XXYLT1: variants seen among roughly 807,000 people sequenced by gnomAD.
XXYLT1 encodes the protein xyloside xylosyltransferase 1.
XXYLT1 carries 20 observed loss-of-function variants against 28.9 expected under a neutral mutation model. The observed-to-expected ratio is 0.69, with a 90% CI of 0.49 to 1.00. The LOEUF (loss-of-function observed/expected upper bound fraction) is 1.00. Among genes scored for constraint, XXYLT1 ranks in the 50% least tolerant of loss-of-function variants. The probability of loss-of-function intolerance (pLI) is 0.00; values close to 1 mark genes in which losing one functional copy is unlikely to be tolerated. For missense variants in XXYLT1, 542 were observed against 560.1 expected (o/e 0.97, Z 0.33); for synonymous variants, 257 against 253.8 (o/e 1.01, Z -0.12).
intron 2 of XXYLT1, among the ~76,000 whole-genome samples, chr3:195,197,949 C>G (rs559522732): frequency 2.0e-5 from 3 of 152,216 alleles, no homozygotes; most frequent in Admixed American, 6.5e-5. Context: ...AACTTCTGCA[C>G]GAGCTGGAGA....
chr3:195,230,739 G>A (rs915135745), intron 1 of XXYLT1, among the ~76,000 whole-genome samples: 3 of 152,104 alleles, frequency 2.0e-5, no homozygotes, highest in East Asian at 3.8e-4. Context: ...ATTGGTCTAC[G>A]TGTCTGTTTT....
chr3:195,130,762 T>C (rs569330570), intron 3 of XXYLT1, among the ~76,000 whole-genome samples: 6 of 152,288 alleles, frequency 3.9e-5, no homozygotes, highest in African/African-American at 1.4e-4. Flanking sequence ...TGAACAAATG[T>C]ACCCATGGCC....
chr3:195,184,897 C>A (rs1394206026), intron 2 of XXYLT1: 1 of 817,116 alleles, frequency 1.2e-6, no homozygotes, highest in Non-Finnish European at 1.5e-6. Flanking sequence ...ATCCCCGCAT[C>A]ATCAATCATC....
At chr3:195,161,866 C>T (rs557894855) in intron 2 of XXYLT1, among the ~76,000 whole-genome samples, 3 of 152,168 alleles carry the variant, frequency 2.0e-5, no homozygotes, top group East Asian at 1.9e-4. Context: ...GATCCGCCCA[C>T]CTTGGCCTCC....
rs763210764 is a variant in XXYLT1, at chr3:195,180,719, G to A, written c.653-24138C>T. ...ACACACACAAGCAGACGGGAAAGGC[G>A]CCTGCCCACTGCCCCCACCCCTGCA... On this transcript the variant is annotated intron_variant, in intron 2 of 3. Transcript: ENST00000310380. The surrounding 1 kb of genome is among the most constrained non-coding windows in gnomAD (Gnocchi z 5.8). Among the ~76,000 whole-genome samples, 4 of 152,126 alleles carry A rather than the reference G, an allele frequency of 2.6e-5. No individual in the cohort carries two copies. The highest frequency in any genetic ancestry group is 6.5e-5 in the Admixed American group (1 of 15,274).
chr3:195,227,759 T>C (rs1363376071), intron 1 of XXYLT1, among the ~76,000 whole-genome samples: 1 of 152,170 alleles, frequency 6.6e-6, no homozygotes, highest in African/African-American at 2.4e-5. Flanking sequence ...CCCCACACTC[T>C]TTCCACCATA....
chr3:195,250,581 C>T (rs1402879931), intron 1 of XXYLT1, among the ~76,000 whole-genome samples: 1 of 148,156 alleles, frequency 6.7e-6, no homozygotes, highest in East Asian at 2.0e-4. Context: ...AAAAAAAAAA[C>T]ACTGCAACCA....
At chr3:195,139,259 G>A (rs1430390587) in intron 3 of XXYLT1, among the ~76,000 whole-genome samples, 2 of 152,190 alleles carry the variant, frequency 1.3e-5, no homozygotes, top group Non-Finnish European at 2.9e-5. Flanking sequence ...GCAGAGCTTG[G>A]AGCTGCTAGT....
At chr3:195,089,997 C>A (rs1254624877) in intron 3 of XXYLT1, among the ~76,000 whole-genome samples, 6 of 149,442 alleles carry the variant, frequency 4.0e-5, no homozygotes, top group Non-Finnish European at 7.5e-5. Context: ...TATATATGCA[C>A]CCAATACAGG....
chr3:195,071,694 G>C (rs1312891775), intron 3 of XXYLT1, among the ~76,000 whole-genome samples: 1 of 152,146 alleles, frequency 6.6e-6, no homozygotes, highest in East Asian at 1.9e-4. Flanking sequence ...TTGGGATGCA[G>C]TGTGGCAGCT....
At chr3:195,220,230 C>T (rs989600117) in intron 2 of XXYLT1, among the ~76,000 whole-genome samples, 11 of 152,314 alleles carry the variant, frequency 7.2e-5, no homozygotes, top group South Asian at 4.1e-4. Context: ...CAACCTCCGC[C>T]TCCTGGGTTC....
chr3:195,242,011 C>A (rs1455776716), intron 1 of XXYLT1, among the ~76,000 whole-genome samples: 8 of 152,242 alleles, frequency 5.3e-5, no homozygotes, highest in African/African-American at 1.9e-4. Context: ...GAGGGCGGGA[C>A]CTTGTCTGTC....
intron 3 of XXYLT1, among the ~76,000 whole-genome samples, chr3:195,106,263 TGGAGAGATGCTCTTGCTGTGTTTTTGAC>T (rs796396212): frequency 0.016 from 2,449 of 152,014 alleles, 195 homozygotes; most frequent in African/African-American, 0.054. Context: ...TCGTTTTTGA[TGGAGAGATGCTCTTGCTGTGTTTTTGAC>T]GGAGAGATGC....
intron 1 of XXYLT1, chr3:195,270,243 G>A: frequency 1.7e-6 from 1 of 578,380 alleles, no homozygotes; most frequent in Non-Finnish European, 3.1e-6. Context: ...TCTGAAGGCA[G>A]TGCTGAACCC....
chr3:195,268,655 AT>A (rs1725921777), intron 1 of XXYLT1, among the ~76,000 whole-genome samples: 1 of 151,892 alleles, frequency 6.6e-6, no homozygotes, highest in African/African-American at 2.4e-5. Context: ...ATAACCCCTT[AT>A]CCAATCACTG....
chr3:195,070,173 C>T (rs1471378688), intron 3 of XXYLT1, 62 bp from the exon 4 acceptor site: 3 of 1,496,808 alleles, frequency 2.0e-6, no homozygotes, highest in Non-Finnish European at 2.7e-6. Context: ...CGGCCTGCTG[C>T]CCTGGGTCTT....
intron 3 of XXYLT1, among the ~76,000 whole-genome samples, chr3:195,084,302 T>G (rs67300447): frequency 0.26 from 39,246 of 151,648 alleles, 5,852 homozygotes; most frequent in East Asian, 0.59. Flanking sequence ...ATGGCAGGGA[T>G]CAGCTAGGCT....
rs1215952662 is a variant in XXYLT1 at position 195,068,883 on chromosome 3, G to C, written c.*832C>G. 2 of 133,364 alleles carry C rather than the reference G, an allele frequency of 1.5e-5. No individual in the cohort carries two copies. Among genetic ancestry groups the C allele is most frequent in the Non-Finnish European group, 3.1e-5 (2 of 64,126 alleles). The allele number at this position is 133,364 out of a possible 1,614,324, so 8.3% of individuals were successfully genotyped here. A position where few individuals can be genotyped will look rare whatever the true frequency, so the allele number is the denominator to read the frequency against. ...CAGGCTTGACGACTGTGCCCGGCCT[G>C]GGCTTTTTGGAATGAGTCTTCCTGG... On this transcript the variant is annotated 3_prime_UTR_variant, in exon 4 of 4. Coordinates refer to ENST00000310380, the MANE Select transcript of XXYLT1 (RefSeq NM_152531.5).
At chr3:195,190,493 C>CAAAAAAAAAAAA (rs57722997) in intron 2 of XXYLT1, among the ~76,000 whole-genome samples, 1 of 34,978 alleles carries the variant, frequency 2.9e-5, no homozygotes, top group Non-Finnish European at 8.6e-5. Flanking sequence ...GACTCTGTCT[C>CAAAAAAAAAAAA]AAAAAAAAAA....
Sources: gnomAD v4.1 joint callset for allele counts (sites outside exome capture counted in the v4.1 genomes callset) on GRCh38, gnomAD v4.1.1 for gene constraint, Gnocchi (gnomAD v3.1) non-coding constraint, MANE v1.5 for transcripts, NCBI Gene and HGNC (gene_info 2026-07-23, HGNC 2026-07-21) for gene names.